TBXAS1: variants seen among roughly 807,000 people sequenced by gnomAD.
TBXAS1 encodes thromboxane A synthase 1, also known as thromboxane-A synthase.
TBXAS1 carries 48 observed loss-of-function variants against 60.7 expected under a neutral mutation model. That is an observed-to-expected ratio of 0.79 (90% CI 0.63 to 1.01). TBXAS1 has a LOEUF of 1.01. TBXAS1 is among the 50% of genes least tolerant of loss of function. The probability of loss-of-function intolerance (pLI) is 0.00; values close to 1 mark genes in which losing one functional copy is unlikely to be tolerated. For missense variants in TBXAS1, 685 were observed against 686.3 expected (o/e 1.00, Z 0.02); for synonymous variants, 287 against 269.7 (o/e 1.06, Z -0.63).
intron 3 of TBXAS1, among the ~76,000 whole-genome samples, chr7:139,882,210 G>C (rs754232846): frequency 6.6e-6 from 1 of 152,180 alleles, no homozygotes; most frequent in Non-Finnish European, 1.5e-5. Flanking sequence ...CAAGAACAAC[G>C]GGAATTGAAG....
chr7:139,848,337 T>C (rs727359), intron 1 of TBXAS1, among the ~76,000 whole-genome samples: 42,940 of 151,832 alleles, frequency 0.28, 8,316 homozygotes, highest in African/African-American at 0.52. Flanking sequence ...AGCTGTCAGT[T>C]ACGTAGGGGT....
intron 5 of TBXAS1, among the ~76,000 whole-genome samples, chr7:139,937,982 C>T (rs1208148469): frequency 6.6e-6 from 1 of 152,080 alleles, no homozygotes; most frequent in African/African-American, 2.4e-5. Flanking sequence ...AAGTTTGGAA[C>T]CAACTGAGGT....
chr7:139,987,764 G>GT (rs1440525172), intron 9 of TBXAS1, among the ~76,000 whole-genome samples: 2 of 152,158 alleles, frequency 1.3e-5, no homozygotes, highest in African/African-American at 2.4e-5. Flanking sequence ...AGTTCCAGAC[G>GT]TTTTTTGTCT....
chr7:139,881,465 C>CCG lies in TBXAS1; in HGVS notation c.236+5828_236+5829insCG, dbSNP rs1554481621. ...GGGACACACCCTTTTTCCCCCCCTC[C>CCG]AGGAGGGTAGAGTTCCATCTGGAAA... On this transcript the variant is annotated intron_variant, in intron 3 of 12. Transcript: ENST00000448866. 3.3e-5 allele frequency among the ~76,000 whole-genome samples: 5 copies of CCG among 150,950 alleles called. No homozygotes were observed. The South Asian group carries it at 8.4e-4, about 25-fold the overall frequency.
chr7:139,860,901 C>T (rs908564122), intron 1 of TBXAS1, among the ~76,000 whole-genome samples: 12 of 152,272 alleles, frequency 7.9e-5, no homozygotes, highest in Admixed American at 2.0e-4. Context: ...CAGCCGGGGG[C>T]GGTGGCTCAT....
At chr7:139,801,913 G>A (rs1010325300) in intron 4 of TBXAS1, among the ~76,000 whole-genome samples, 15 of 152,144 alleles carry the variant, frequency 9.9e-5, no homozygotes, top group Admixed American at 2.6e-4. Flanking sequence ...ACAGATGCAC[G>A]CCACTGTGTC....
At chr7:139,959,974 G>A (rs991250044) in intron 8 of TBXAS1, among the ~76,000 whole-genome samples, 2 of 152,130 alleles carry the variant, frequency 1.3e-5, no homozygotes, top group African/African-American at 4.8e-5. Context: ...CCCATTGACC[G>A]AGCAGCAGGA....
chr7:139,870,063 C>T (rs1801710454), intron 1 of TBXAS1, among the ~76,000 whole-genome samples: 1 of 152,138 alleles, frequency 6.6e-6, no homozygotes, highest in South Asian at 2.1e-4. Flanking sequence ...TGCTCAAGTT[C>T]CAGATTTGAG....
chr7:139,781,528 C>A (rs1029783260), intron 2 of TBXAS1, among the ~76,000 whole-genome samples: 2 of 152,124 alleles, frequency 1.3e-5, no homozygotes, highest in African/African-American at 4.8e-5. Flanking sequence ...GAGAGGCCCA[C>A]GTCAGATGAA....
intron 9 of TBXAS1, chr7:139,962,604 G>C (rs1810462723): frequency 6.2e-6 from 2 of 320,020 alleles, no homozygotes; most frequent in South Asian, 5.4e-5. Context: ...GGAGGCAGGT[G>C]TGAGCCAGAA....
intron 3 of TBXAS1, among the ~76,000 whole-genome samples, chr7:139,905,061 C>CTTTCTTTCTTTCTT (rs1319023894): frequency 1.6e-5 from 1 of 61,930 alleles, no homozygotes; most frequent in Non-Finnish European, 3.9e-5. Flanking sequence ...CTTTCTTTCT[C>CTTTCTTTCTTTCTT]TCTCTCTCTC....
intron 4 of TBXAS1, among the ~76,000 whole-genome samples, chr7:139,819,541 C>T (rs574492062): frequency 1.1e-4 from 16 of 152,310 alleles, no homozygotes; most frequent in South Asian, 4.1e-4. Context: ...CTCACTCTGT[C>T]GCCCAGGCTG....
At chr7:139,886,613 AC>A (rs2116904516) in intron 3 of TBXAS1, among the ~76,000 whole-genome samples, 1 of 152,270 alleles carries the variant, frequency 6.6e-6, no homozygotes, top group South Asian at 2.1e-4. Flanking sequence ...CAACAGAGCT[AC>A]TGCAGGAAGG....
At chr7:139,870,196 ACACTAG>A (rs1171453782) in intron 1 of TBXAS1, among the ~76,000 whole-genome samples, 1 of 152,244 alleles carries the variant, frequency 6.6e-6, no homozygotes, top group African/African-American at 2.4e-5. Flanking sequence ...GTGCATAGAC[ACACTAG>A]CAGTATTTTC....
At chr7:139,877,462 G>A (rs1451219013) in intron 3 of TBXAS1, among the ~76,000 whole-genome samples, 1 of 152,014 alleles carries the variant, frequency 6.6e-6, no homozygotes, top group African/African-American at 2.4e-5. Context: ...TTGCTCTGTC[G>A]CCCAGGCTGG....
intron 3 of TBXAS1, among the ~76,000 whole-genome samples, chr7:139,894,545 A>G (rs1803924487): frequency 1.3e-5 from 2 of 152,190 alleles, no homozygotes; most frequent in South Asian, 4.1e-4. Flanking sequence ...TATTCCCCTG[A>G]TACTTGGGAA....
rs554610146 is a variant in TBXAS1 at position 139,957,646 on chromosome 7, C to T, written c.701C>T (p.Ser234Phe). 2 of 1,614,138 alleles carry T rather than the reference C, an allele frequency of 1.2e-6. No homozygotes were observed. The highest frequency in any genetic ancestry group is 2.2e-5 in the East Asian group (1 of 44,864). Residue 234 changes from serine (S) to phenylalanine (F), a missense_variant, in exon 8 of 13, where the codon TCC (serine) becomes TTC (phenylalanine). By Grantham distance (155) the Ser-to-Phe change is radical. Transcript: ENST00000448866. The part of the protein sequence containing the change: ...PILVLLLSFP[S>F]IMVPLARILP... ...TTTCTCTTTCAAGTATCATTTCCAT[C>T]CATAATGGTCCCACTGGCCCGGATT... is the stretch of plus-strand genomic sequence containing the variant.
At chr7:139,805,473 G>A (rs1797823397) in intron 4 of TBXAS1, among the ~76,000 whole-genome samples, 1 of 152,198 alleles carries the variant, frequency 6.6e-6, no homozygotes, top group African/African-American at 2.4e-5. Context: ...TGAGGGTTCA[G>A]TGGGATGGAC....
intron 5 of TBXAS1, among the ~76,000 whole-genome samples, chr7:139,942,704 G>T (rs981962129): frequency 2.6e-5 from 4 of 152,220 alleles, no homozygotes; most frequent in Admixed American, 2.0e-4. Context: ...CAATCATGTT[G>T]CTATGCATAG....
Sources: allele counts gnomAD v4.1 joint callset (sites outside exome capture counted in the v4.1 genomes callset), GRCh38; gene constraint gnomAD v4.1.1; transcripts MANE v1.5; gene names NCBI Gene and HGNC (gene_info 2026-07-23, HGNC 2026-07-21).